The following WDR45B variants were observed in gnomAD, a reference collection of about 807,000 sequenced individuals.
WDR45B encodes the protein WD repeat domain 45B, also known as WD repeat domain phosphoinositide-interacting protein 3.
A neutral mutation model predicts 44.6 loss-of-function variants in WDR45B; 20 were observed. The observed-to-expected ratio is 0.45, with a 90% CI of 0.32 to 0.65. The LOEUF (loss-of-function observed/expected upper bound fraction) is 0.65, where lower values mean the gene tolerates loss of function less well. Among genes scored for constraint, WDR45B ranks in the 30% least tolerant of loss-of-function variants. The pLI is 0.05. For synonymous variants in WDR45B, 169 were observed against 164.9 expected (o/e 1.02, Z -0.19); for missense variants, 323 against 430.2 (o/e 0.75, Z 2.20).
At chr17:82,619,239 T>G (rs1336448970) in intron 6 of WDR45B, 111 bp from the exon 7 acceptor site, 9 of 964,368 alleles carry the variant, frequency 9.3e-6, no homozygotes, top group South Asian at 8.1e-5. Context: ...TTTCTCAAAC[T>G]CACCCACATC....
intron 2 of WDR45B, among the ~76,000 whole-genome samples, chr17:82,635,748 A>G (rs899748806): frequency 2.0e-5 from 3 of 152,010 alleles, no homozygotes; most frequent in African/African-American, 7.3e-5. Flanking sequence ...AAAAGCAACA[A>G]GTCATTCCCT....
chr17:82,616,266 T>C (rs1361342159), intron 9 of WDR45B, among the ~76,000 whole-genome samples: 2 of 152,150 alleles, frequency 1.3e-5, no homozygotes, highest in African/African-American at 4.8e-5. Context: ...ACATTCTTGG[T>C]CATCTATACA....
chr17:82,634,698 GATTT>G (rs2045812327), intron 2 of WDR45B, among the ~76,000 whole-genome samples: 2 of 152,004 alleles, frequency 1.3e-5, no homozygotes, highest in African/African-American at 4.8e-5. Flanking sequence ...TACGTGCAGT[GATTT>G]ATTATTCAGC....
chr17:82,627,297 A>T lies in WDR45B; in HGVS notation c.245-6T>A, dbSNP rs773990912. ...CAGGTCATCCCAGATCATTACTGAA[A>T]TATCAGAAAGAAAAGATGAATGCAG... is the stretch of plus-strand genomic sequence containing the variant. On this transcript the variant is annotated splice_region_variant and splice_polypyrimidine_tract_variant and intron_variant, in intron 3 of 9. Coordinates refer to ENST00000392325, the MANE Select transcript of WDR45B (RefSeq NM_019613.4). 1.2e-6 allele frequency: 2 copies of T among 1,605,554 alleles called. No individual in the cohort carries two copies. The highest frequency in any genetic ancestry group is 1.1e-5 in the South Asian group (1 of 90,972).
At chr17:82,635,611 C>T (rs369693893) in intron 2 of WDR45B, among the ~76,000 whole-genome samples, 6 of 151,520 alleles carry the variant, frequency 4.0e-5, no homozygotes, top group South Asian at 2.1e-4. Flanking sequence ...TTAGTAGAGA[C>T]GGCGTTTCAC....
Position 82,644,010 on chromosome 17 carries a change from A to G in WDR45B, c.81T>C (p.Cys27=). Residue 27 remains cysteine, a synonymous_variant, in exon 2 of 10, where the codon TGT becomes TGC. Coordinates refer to ENST00000392325, the MANE Select transcript of WDR45B (RefSeq NM_019613.4). ...AGACTCGGAATCCATTTTCCATCCC[A>G]CACGCAAAGCATCCTAAAGCAGAAG... ...GFNQDHGCFA[C]GMENGFRVYN... The G allele has an allele frequency of 6.2e-7, 1 of 1,614,138 alleles. No individual in the cohort carries two copies. The highest frequency in any genetic ancestry group is 2.2e-5 in the East Asian group (1 of 44,888).
intron 2 of WDR45B, among the ~76,000 whole-genome samples, chr17:82,642,701 T>C (rs1045435224): frequency 6.6e-6 from 1 of 152,176 alleles, no homozygotes; most frequent in African/African-American, 2.4e-5. Flanking sequence ...GACACCCAGC[T>C]GGTGTCCACT....
In WDR45B at chr17:82,633,816, A is replaced by G. The variant is rs114337314; in HGVS notation, c.143-2794T>C. Among the ~76,000 whole-genome samples, 561 of 152,218 alleles carry G rather than the reference A, an allele frequency of 3.7e-3. 8 individuals are homozygous for G. Among genetic ancestry groups the G allele is most frequent in the African/African-American group, 0.013 (521 of 41,532 alleles). On this transcript the variant is annotated intron_variant, in intron 2 of 9. Transcript: ENST00000392325. ...GATGACTTGAGGCCAGGAGTTTAAG[A>G]TCAGCCTGGGCAACACAGTGAGACG...
At chr17:82,648,034 T>G (rs1271280597) in intron 1 of WDR45B, among the ~76,000 whole-genome samples, 42 of 128,020 alleles carry the variant, frequency 3.3e-4, no homozygotes, top group African/African-American at 4.2e-4. Flanking sequence ...ACCCGGGGGG[T>G]GGGGGAGCGC....
intron 1 of WDR45B, among the ~76,000 whole-genome samples, chr17:82,646,888 T>C (rs924412570): frequency 6.6e-6 from 1 of 152,190 alleles, no homozygotes; most frequent in Non-Finnish European, 1.5e-5. Context: ...GAAGCCTGAC[T>C]GGTCCCAGGG....
In WDR45B at chr17:82,632,168, C is replaced by G. The variant is rs535807590; in HGVS notation, c.143-1146G>C. Among the ~76,000 whole-genome samples the G allele has an allele frequency of 3.3e-5, 5 of 151,192 alleles. No homozygotes were observed. In the South Asian group the frequency reaches 1.1e-3, roughly 32 times the overall value. The stretch of plus-strand genomic sequence containing the variant: ...AAAGCTGAGTGACTTTTATCATTTC[C>G]TTTTTTTTTAAGAAACAGGGTCTTG... On this transcript the variant is annotated intron_variant, in intron 2 of 9. Coordinates refer to ENST00000392325, the MANE Select transcript of WDR45B (RefSeq NM_019613.4).
intron 1 of WDR45B, among the ~76,000 whole-genome samples, chr17:82,645,536 G>A (rs1235956844): frequency 6.6e-6 from 1 of 152,082 alleles, no homozygotes. Flanking sequence ...TGAGCTGGGT[G>A]TAGAGCCATG....
chr17:82,643,148 G>A (rs2045937608), intron 2 of WDR45B, among the ~76,000 whole-genome samples: 1 of 152,166 alleles, frequency 6.6e-6, no homozygotes, highest in Non-Finnish European at 1.5e-5. Flanking sequence ...CAAAGAAAGT[G>A]AGGTGGCCGG....
In WDR45B at chr17:82,615,517, C is replaced by G; in HGVS notation, c.*402G>C. ...TACATCTGCACACTTGTTCACTCCCCCGCTGCAGACTCAGTAAGAACGACG... is the reference window on the plus strand; with the variant it reads ...TACATCTGCACACTTGTTCACTCCCGCGCTGCAGACTCAGTAAGAACGACG... On this transcript the variant is annotated 3_prime_UTR_variant, in exon 10 of 10. Coordinates refer to ENST00000392325, the MANE Select transcript of WDR45B (RefSeq NM_019613.4). The G allele has an allele frequency of 3.4e-6, 1 of 294,388 alleles. No homozygotes were observed. The highest frequency in any genetic ancestry group is 6.7e-6 in the Non-Finnish European group (1 of 149,988). 18.2% of individuals were successfully genotyped at this position (294,388 alleles called of 1,614,324 possible).
chr17:82,623,747 A>C lies in WDR45B; in HGVS notation c.427+1642T>G, dbSNP rs536607492. On this transcript the variant is annotated intron_variant, in intron 5 of 9. Transcript: ENST00000392325. ...TCTTACATCTCATTATAAGATAAAC[A>C]ACCGGCTAAAAAATGGGCAAAACAT... Among the ~76,000 whole-genome samples the C allele has an allele frequency of 1.1e-4, 16 of 152,124 alleles. No individual in the cohort carries two copies. In the South Asian group the frequency reaches 3.3e-3, roughly 32 times the overall value.
chr17:82,639,994 G>A (rs1007993707), intron 2 of WDR45B, among the ~76,000 whole-genome samples: 2 of 142,968 alleles, frequency 1.4e-5, no homozygotes, highest in African/African-American at 5.0e-5. Context: ...TGGCTGGGCT[G>A]TGTGTGTGGA....
chr17:82,641,326 C>T (rs1433384617), intron 2 of WDR45B, among the ~76,000 whole-genome samples: 1 of 152,150 alleles, frequency 6.6e-6, no homozygotes, highest in African/African-American at 2.4e-5. Context: ...AATTAGGAAG[C>T]AGTTGTTAAT....
intron 2 of WDR45B, among the ~76,000 whole-genome samples, chr17:82,632,153 G>A (rs550965468): frequency 6.6e-6 from 1 of 152,128 alleles, no homozygotes; most frequent in Admixed American, 6.6e-5. Context: ...AAAGCTGAGT[G>A]ACTTTTATCA....
rs144998525 is a variant in WDR45B at position 82,643,852 on chromosome 17, A to G, written c.142+97T>C. On this transcript the variant is annotated intron_variant, in intron 2 of 9. Transcript: ENST00000392325. The stretch of plus-strand genomic sequence containing the variant: ...GCCATGAACCCTATTTACTTCTCGA[A>G]AACAGCCATCCCTTCCCTGCTCCAC... 1.2e-3 allele frequency: 1,424 copies of G among 1,233,848 alleles called. 10 individuals carry two copies. In the African/African-American group the frequency reaches 0.016, roughly 14 times the overall value. 76.4% of individuals were successfully genotyped at this position (1,233,848 alleles called of 1,614,324 possible). A position where few individuals can be genotyped will look rare whatever the true frequency, so the allele number is the denominator to read the frequency against.
Sources: allele counts gnomAD v4.1 joint callset (sites outside exome capture counted in the v4.1 genomes callset), GRCh38; gene constraint gnomAD v4.1.1; transcripts MANE v1.5; gene names NCBI Gene and HGNC (gene_info 2026-07-23, HGNC 2026-07-21).